The following ZNF473 variants were observed in gnomAD, a reference collection of about 807,000 sequenced individuals.
The protein encoded by ZNF473 is zinc finger protein 473.
In ZNF473, 4 loss-of-function variants were observed where a neutral mutation model predicts 11.1. The observed-to-expected ratio is 0.36, with a 90% confidence interval of 0.18 to 0.82. The LOEUF (loss-of-function observed/expected upper bound fraction) is 0.82, where lower values mean the gene tolerates loss of function less well. ZNF473 is among the 40% of genes least tolerant of loss of function. ZNF473 has a pLI of 0.49. For synonymous variants in ZNF473, 404 were observed against 390.4 expected, an observed-to-expected ratio of 1.03 and a Z score of -0.41; for missense variants, 854 against 1,084.0, an observed-to-expected ratio of 0.79 and a Z score of 2.98.
At chr19:50,041,483 C>T (rs1255419061) in intron 3 of ZNF473, 2 of 314,190 alleles carry the variant, frequency 6.4e-6, no homozygotes, top group Non-Finnish European at 1.2e-5. Context: ...TCCTTTGTAT[C>T]CCCAGCCCCA....
chr19:50,044,646 A>C (rs751746546), intron 4 of ZNF473, 24 bp from the exon 5 acceptor site: 1 of 1,565,900 alleles, frequency 6.4e-7, no homozygotes, highest in South Asian at 1.2e-5. Flanking sequence ...AGTGAACAGG[A>C]GACATTTGCA....
intron 1 of ZNF473, among the ~76,000 whole-genome samples, chr19:50,027,277 T>TG (rs2077290530): frequency 6.6e-6 from 1 of 152,210 alleles, no homozygotes; most frequent in South Asian, 2.1e-4. Context: ...ACATGGCCTG[T>TG]GGCAATCCAG....
intron 2 of ZNF473, among the ~76,000 whole-genome samples, chr19:50,037,221 G>T (rs752655185): frequency 6.6e-6 from 1 of 152,134 alleles, no homozygotes; most frequent in Non-Finnish European, 1.5e-5. Flanking sequence ...GTTGCTTCTT[G>T]TAGCAGCCCT....
intron 2 of ZNF473, among the ~76,000 whole-genome samples, chr19:50,031,600 C>G (rs952122920): frequency 6.6e-6 from 1 of 152,118 alleles, no homozygotes. Context: ...CTTTCCTGCT[C>G]TAGCCTTCCA....
intron 2 of ZNF473, among the ~76,000 whole-genome samples, chr19:50,038,323 A>C (rs1480664582): frequency 2.0e-5 from 3 of 151,982 alleles, no homozygotes; most frequent in Admixed American, 2.0e-4. Flanking sequence ...TAAAAGTTGG[A>C]CAACCAGATA....
In ZNF473 at chr19:50,045,242, T is replaced by C; in HGVS notation, c.799T>C (p.Cys267Arg). ...KTHTGYKFYV[C>R]NEYGTTFSQS... ...TCACACGGGCTACAAATTCTATGTG[T>C]GTAATGAATATGGGACAACTTTTAG... The change falls in exon 5 of 5, where the codon TGT (cysteine) becomes CGT (arginine). Residue 267 changes from cysteine to arginine, a missense_variant. Cys to Arg is a radical substitution (Grantham distance 180). Coordinates refer to ENST00000270617, the MANE Select transcript of ZNF473 (RefSeq NM_015428.4). 3 of 1,614,192 alleles carry C rather than the reference T, an allele frequency of 1.9e-6. No individual in the cohort carries two copies. The highest frequency in any genetic ancestry group is 2.5e-6 in the Non-Finnish European group (3 of 1,180,032).
chr19:50,043,805 A>G (rs960649955), intron 4 of ZNF473, among the ~76,000 whole-genome samples: 6 of 152,054 alleles, frequency 3.9e-5, no homozygotes, highest in Admixed American at 3.3e-4. Context: ...GACTTAAAGC[A>G]GAATGGGGAT....
At chr19:50,026,517 C>T (rs1368682449) in intron 1 of ZNF473, among the ~76,000 whole-genome samples, 5 of 147,600 alleles carry the variant, frequency 3.4e-5, no homozygotes, top group Non-Finnish European at 7.4e-5. Context: ...CGCCATTGCA[C>T]TCCAGCCTGG....
intron 1 of ZNF473, among the ~76,000 whole-genome samples, chr19:50,030,102 C>T (rs553355477): frequency 6.6e-5 from 10 of 152,204 alleles, no homozygotes; most frequent in East Asian, 3.9e-4. Context: ...CTGCCCACCT[C>T]GGCCTCCCAA....
chr19:50,029,998 G>A (rs1318777208), intron 1 of ZNF473, among the ~76,000 whole-genome samples: 5 of 152,092 alleles, frequency 3.3e-5, no homozygotes, highest in African/African-American at 7.2e-5. Flanking sequence ...TCACAGGCAC[G>A]TCCCACCAAG....
Position 50,030,912 on chromosome 19 carries a change from G to C in ZNF473, c.-171G>C, listed in dbSNP as rs1169770366. On this transcript the variant is annotated 5_prime_UTR_variant, in exon 2 of 5. Transcript: ENST00000270617. ...TGCAGGGAGACTCACATTGGGACTT[G>C]TCCTCCTCCTCCTGGACATTTTGGG... is the stretch of plus-strand genomic sequence containing the variant. 1.1e-5 allele frequency: 10 copies of C among 887,338 alleles called. No homozygotes were observed. The highest frequency in any genetic ancestry group is 6.4e-5 in the Admixed American group (3 of 46,962). 55.0% of individuals were successfully genotyped at this position (887,338 alleles called of 1,614,324 possible).
rs201470752 is a variant in ZNF473, at chr19:50,039,259, G to A, written c.108G>A (p.Leu36=). 16 of 1,614,102 alleles carry A rather than the reference G, an allele frequency of 9.9e-6. No individual in the cohort carries two copies. The East Asian group carries it at 2.9e-4, about 29-fold the overall frequency. Residue 36 remains leucine, a synonymous_variant, in exon 3 of 5, where the codon TTG becomes TTA. Coordinates refer to ENST00000270617, the MANE Select transcript of ZNF473 (RefSeq NM_015428.4). This position sits in a 1 kb window ranked among gnomAD's most constrained non-coding sequence, Gnocchi z 4.8. ...EQGDTFWDTA[L]DNCQDLFLLD... ...GGGACACGTTCTGGGACACAGCGTTGGACAATTGCCAGGACCTCTTCCTGC... is the reference window on the plus strand; with the variant it reads ...GGGACACGTTCTGGGACACAGCGTTAGACAATTGCCAGGACCTCTTCCTGC...
chr19:50,047,216 A>C lies in ZNF473; in HGVS notation c.*157A>C. 1.5e-6 allele frequency: 1 copy of C among 687,224 alleles called. No individual in the cohort carries two copies. Among genetic ancestry groups the C allele is most frequent in the Non-Finnish European group, 2.4e-6 (1 of 420,862 alleles). The allele number at this position is 687,224 out of a possible 1,614,324, so 42.6% of individuals were successfully genotyped here. A position where few individuals can be genotyped will look rare whatever the true frequency, so the allele number is the denominator to read the frequency against. On this transcript the variant is annotated 3_prime_UTR_variant, in exon 5 of 5. Transcript: ENST00000270617. ...TTTCATTATAACAATGAAAACACAA[A>C]AGTGGAGAAGCTGTACAACGTCAGG...
chr19:50,029,446 C>T (rs1405207582), intron 1 of ZNF473, among the ~76,000 whole-genome samples: 4 of 152,222 alleles, frequency 2.6e-5, no homozygotes, highest in Admixed American at 1.3e-4. Context: ...GCGGCCAGCC[C>T]TGCACTGGGA....
At chr19:50,028,660 C>A (rs1404914746) in intron 1 of ZNF473, among the ~76,000 whole-genome samples, 3 of 152,116 alleles carry the variant, frequency 2.0e-5, no homozygotes, top group Non-Finnish European at 4.4e-5. Context: ...AGTGAACTAA[C>A]TTCGTGGGAT....
chr19:50,045,479 C>T lies in ZNF473; in HGVS notation c.1036C>T (p.Arg346Cys), dbSNP rs575531440. 2.5e-5 allele frequency: 41 copies of T among 1,614,158 alleles called. No homozygotes were observed. Among genetic ancestry groups the T allele is most frequent in the African/African-American group, 1.2e-4 (9 of 75,022 alleles). Residue 346 changes from arginine (R) to cysteine (C), a missense_variant, in exon 5 of 5, where the codon CGC (arginine) becomes TGC (cysteine). Around this residue, in one of 2 missense-constraint regions of ZNF473, gnomAD observed 668 missense variants for 790.2 expected, o/e 0.85. Transcript: ENST00000270617. Reference sequence around the variant, plus strand: ...GCACCAGAAGATCCACACTCGGAAACGCTATGAGTGTTCCAAGTGCCAGGC... The same window carrying T: ...GCACCAGAAGATCCACACTCGGAAATGCTATGAGTGTTCCAAGTGCCAGGC... ...TRHQKIHTRK[R>C]YECSKCQATF...
rs1276660275 is a variant in ZNF473 at position 50,039,322 on chromosome 19, G to T, written c.136+35G>T. 1.2e-6 allele frequency: 2 copies of T among 1,611,878 alleles called. No homozygotes were observed. Among genetic ancestry groups the T allele is most frequent in the African/African-American group, 1.3e-5 (1 of 74,888 alleles). ...GCCTGTCCCCAGGGGCCTACTCACT[G>T]CCCTGCTTGGTGATCACCCATGCTC... On this transcript the variant is annotated intron_variant, in intron 3 of 4. Transcript: ENST00000270617. This position sits in a 1 kb window ranked among gnomAD's most constrained non-coding sequence, Gnocchi z 4.8.
chr19:50,046,953 C>G lies in ZNF473; in HGVS notation c.2510C>G (p.Thr837Ser). 1 of 1,614,182 alleles carries G rather than the reference C, an allele frequency of 6.2e-7. No individual in the cohort carries two copies. The highest frequency in any genetic ancestry group is 8.5e-7 in the Non-Finnish European group (1 of 1,180,038). The change falls in exon 5 of 5, where the codon ACC (threonine) becomes AGC (serine). Residue 837 changes from threonine (T) to serine (S), a missense_variant. Coordinates refer to ENST00000270617, the MANE Select transcript of ZNF473 (RefSeq NM_015428.4). The surrounding 1 kb of genome is among the most constrained non-coding windows in gnomAD (Gnocchi z 5.9). ...AHLNQHLRVH[T>S]QETLYQCQRC... ...CTCAACCAGCACCTGAGAGTTCACA[C>G]CCAGGAGACACTTTATCAGTGTCAA... is the stretch of plus-strand genomic sequence containing the variant.
At chr19:50,040,126 A>G (rs991341886) in intron 3 of ZNF473, among the ~76,000 whole-genome samples, 1 of 152,196 alleles carries the variant, frequency 6.6e-6, no homozygotes, top group Admixed American at 6.5e-5. Context: ...CCCAGGACTC[A>G]TCCTGTAGTC....
Sources: gnomAD v4.1 joint callset for allele counts (sites outside exome capture counted in the v4.1 genomes callset) on GRCh38, gnomAD v4.1.1 for gene constraint, gnomAD v4.1.1 regional missense constraint, Gnocchi (gnomAD v3.1) non-coding constraint, MANE v1.5 for transcripts, NCBI Gene and HGNC (gene_info 2026-07-23, HGNC 2026-07-21) for gene names.